The following GALNTL6 variants were observed in gnomAD, a reference collection of about 807,000 sequenced individuals.
The protein encoded by GALNTL6 is polypeptide N-acetylgalactosaminyltransferase like 6.
Under a neutral mutation model 73.7 loss-of-function variants are expected in GALNTL6, and 46 were observed. That is an observed-to-expected ratio of 0.62 (90% CI 0.49 to 0.80). The LOEUF (loss-of-function observed/expected upper bound fraction) is 0.80, where lower values mean the gene tolerates loss of function less well. GALNTL6 is among the 30% of genes least tolerant of loss of function. The pLI is 0.00. For synonymous variants in GALNTL6, 259 were observed against 263.7 expected, an observed-to-expected ratio of 0.98 and a Z score of 0.17; for missense variants, 604 against 755.0, an observed-to-expected ratio of 0.80 and a Z score of 2.34.
chr4:172,861,188 G>T (rs1172228584), intron 7 of GALNTL6, among the ~76,000 whole-genome samples: 2 of 152,268 alleles, frequency 1.3e-5, no homozygotes, highest in East Asian at 3.9e-4. Flanking sequence ...AATGCACTGG[G>T]TTAGGTGAGA....
At chr4:172,151,233 A>T (rs1423928626) in intron 2 of GALNTL6, among the ~76,000 whole-genome samples, 2 of 152,202 alleles carry the variant, frequency 1.3e-5, no homozygotes, top group Non-Finnish European at 2.9e-5. Flanking sequence ...GAAAAAGAAA[A>T]TATATATTCT....
intron 5 of GALNTL6, among the ~76,000 whole-genome samples, chr4:172,741,955 T>C (rs966421154): frequency 1.3e-5 from 2 of 150,738 alleles, no homozygotes; most frequent in African/African-American, 2.4e-5. Context: ...TATAAAACAA[T>C]AGAGAAAAAT....
chr4:172,203,365 C>T (rs753580839), intron 2 of GALNTL6, among the ~76,000 whole-genome samples: 9 of 152,036 alleles, frequency 5.9e-5, no homozygotes, highest in Admixed American at 1.3e-4. Flanking sequence ...AATTTGGCAG[C>T]GGAAACTTAA....
At chr4:172,028,055 A>G (rs1741645336) in intron 2 of GALNTL6, among the ~76,000 whole-genome samples, 1 of 152,116 alleles carries the variant, frequency 6.6e-6, no homozygotes. Context: ...GAAGGTGGCT[A>G]CACACTAAAC....
chr4:171,967,042 C>T (rs1298754273), intron 2 of GALNTL6, among the ~76,000 whole-genome samples: 1 of 152,104 alleles, frequency 6.6e-6, no homozygotes, highest in Non-Finnish European at 1.5e-5. Flanking sequence ...TGAAAGAAAG[C>T]TGAGAATATG....
At chr4:172,212,863 G>T (rs1394748267) in intron 2 of GALNTL6, among the ~76,000 whole-genome samples, 1 of 151,264 alleles carries the variant, frequency 6.6e-6, no homozygotes, top group Non-Finnish European at 1.5e-5. Context: ...TAGAAACAGG[G>T]TTTCTCCATG....
At chr4:172,474,904 T>C (rs1197819060) in intron 5 of GALNTL6, among the ~76,000 whole-genome samples, 2 of 152,164 alleles carry the variant, frequency 1.3e-5, no homozygotes, top group Non-Finnish European at 2.9e-5. Context: ...GCAAAACTTA[T>C]TGCCTCTACC....
chr4:172,893,998 G>T (rs1484160624), intron 8 of GALNTL6, among the ~76,000 whole-genome samples: 1 of 152,136 alleles, frequency 6.6e-6, no homozygotes, highest in Non-Finnish European at 1.5e-5. Context: ...ACCAACTCCA[G>T]GCAAGCTTCC....
At chr4:172,995,677 C>G (rs1751745115) in intron 10 of GALNTL6, among the ~76,000 whole-genome samples, 1 of 152,148 alleles carries the variant, frequency 6.6e-6, no homozygotes, top group African/African-American at 2.4e-5. Context: ...CCTTAATTTA[C>G]TTATCTGAGT....
chr4:172,211,526 A>T (rs1222119329), intron 2 of GALNTL6, among the ~76,000 whole-genome samples: 1 of 152,076 alleles, frequency 6.6e-6, no homozygotes, highest in African/African-American at 2.4e-5. Flanking sequence ...TCACCTATCC[A>T]TTTACTTATA....
chr4:172,414,542 G>A (rs534003963), intron 5 of GALNTL6, among the ~76,000 whole-genome samples: 4 of 152,014 alleles, frequency 2.6e-5, no homozygotes, highest in South Asian at 4.2e-4. Context: ...TCATTCACAC[G>A]ATGATCTGTA....
chr4:171,928,504 G>A (rs935172435), intron 2 of GALNTL6, among the ~76,000 whole-genome samples: 11 of 152,248 alleles, frequency 7.2e-5, no homozygotes, highest in South Asian at 2.1e-4. Flanking sequence ...AGACTGGAAG[G>A]CTATCAAAAA....
chr4:172,691,310 T>G (rs1733274248), intron 5 of GALNTL6, among the ~76,000 whole-genome samples: 1 of 152,044 alleles, frequency 6.6e-6, no homozygotes, highest in Non-Finnish European at 1.5e-5. Context: ...TAAATAAGGT[T>G]GAGAAAACCA....
intron 2 of GALNTL6, among the ~76,000 whole-genome samples, chr4:172,138,189 G>T (rs1439750247): frequency 6.6e-6 from 1 of 151,668 alleles, no homozygotes; most frequent in Non-Finnish European, 1.5e-5. Flanking sequence ...GTTCAGCTCA[G>T]TTCTCTTTAT....
chr4:172,387,967 C>G (rs988534271), intron 5 of GALNTL6, among the ~76,000 whole-genome samples: 1 of 152,110 alleles, frequency 6.6e-6, no homozygotes, highest in East Asian at 1.9e-4. Flanking sequence ...ACTCCACAAT[C>G]TAATACAAAT....
chr4:171,919,950 A>G (rs1432315361), intron 2 of GALNTL6, among the ~76,000 whole-genome samples: 1 of 152,208 alleles, frequency 6.6e-6, no homozygotes, highest in African/African-American at 2.4e-5. Context: ...ATAAAGACAC[A>G]TGCACACGTA....
intron 2 of GALNTL6, among the ~76,000 whole-genome samples, chr4:171,852,640 T>G (rs527568274): frequency 4.8e-4 from 73 of 152,230 alleles, no homozygotes; most frequent in African/African-American, 1.8e-3. Flanking sequence ...GTACGATAGC[T>G]TCACAAATTA....
At chr4:172,543,990 C>A (rs940608304) in intron 5 of GALNTL6, among the ~76,000 whole-genome samples, 1 of 152,156 alleles carries the variant, frequency 6.6e-6, no homozygotes, top group Non-Finnish European at 1.5e-5. Context: ...CATTTGTACC[C>A]ATTATGATGC....
At chr4:172,573,817 T>C (rs1444469300) in intron 5 of GALNTL6, among the ~76,000 whole-genome samples, 1 of 152,196 alleles carries the variant, frequency 6.6e-6, no homozygotes, top group Non-Finnish European at 1.5e-5. Context: ...GATTCAGCAC[T>C]GTCAAACAAA....
Sources: allele counts gnomAD v4.1 joint callset (sites outside exome capture counted in the v4.1 genomes callset), GRCh38; gene constraint gnomAD v4.1.1; transcripts MANE v1.5; gene names NCBI Gene and HGNC (gene_info 2026-07-23, HGNC 2026-07-21).